Variants in PHRF1 observed in about 807,000 individuals in gnomAD.
The protein encoded by PHRF1 is PHD and RING finger domain-containing protein 1.
A neutral mutation model predicts 128.9 loss-of-function variants in PHRF1; 53 were observed. The observed-to-expected ratio is 0.41, with a 90% CI of 0.33 to 0.52. PHRF1 has a LOEUF of 0.52. Among genes scored for constraint, PHRF1 ranks in the 20% least tolerant of loss-of-function variants. PHRF1 has a pLI of 0.21. For synonymous variants in PHRF1, 1,178 were observed against 980.6 expected (o/e 1.20, Z -3.76); for missense variants, 2,503 against 2,284.5 (o/e 1.10, Z -1.95).
At chr11:589,985 G>A (rs551406348) in intron 4 of PHRF1, among the ~76,000 whole-genome samples, 58 of 148,414 alleles carry the variant, frequency 3.9e-4, no homozygotes, top group African/African-American at 1.3e-3. Flanking sequence ...AAACGGGCAC[G>A]GAGCGTGTGG....
Position 610,987 on chromosome 11 carries a change from G to GT in PHRF1, c.4712dup (p.Glu1572GlyfsTer136). On this transcript the variant is annotated frameshift_variant, in exon 17 of 18. Transcript: ENST00000264555. LOFTEE classifies it high-confidence loss of function. ...GAAGCTGCACATGCAGGAGCGTGCT[G>GT]TGGAGGAGGTGAAGCTGGCCATCAA... 6.2e-7 allele frequency: 1 copy of GT among 1,613,516 alleles called. No individual in the cohort carries two copies. The highest frequency in any genetic ancestry group is 8.5e-7 in the Non-Finnish European group (1 of 1,179,820).
chr11:582,564 C>T (rs984576935), intron 3 of PHRF1, among the ~76,000 whole-genome samples: 5 of 151,338 alleles, frequency 3.3e-5, no homozygotes, highest in Non-Finnish European at 4.4e-5. Context: ...CTCGCTCTGT[C>T]GCCCAGGCTG....
intron 2 of PHRF1, 26 bp from the exon 3 acceptor site, chr11:581,936 G>A (rs867068397): frequency 4.5e-6 from 7 of 1,565,266 alleles, no homozygotes. Context: ...GCCGCCCTGC[G>A]GCCTGTGTCT....
intron 6 of PHRF1, among the ~76,000 whole-genome samples, chr11:594,251 G>A (rs1434206724): frequency 2.0e-5 from 3 of 151,912 alleles, no homozygotes; most frequent in African/African-American, 4.9e-5. Context: ...CGCTGGACAC[G>A]GCCTGAGAGA....
At position 597,344 on chromosome 11, in the gene PHRF1, G is replaced by A; in HGVS notation, c.719-51G>A. 3 of 1,572,340 alleles carry A rather than the reference G, an allele frequency of 1.9e-6. No individual in the cohort carries two copies. The highest frequency in any genetic ancestry group is 2.6e-6 in the Non-Finnish European group (3 of 1,156,684). On this transcript the variant is annotated intron_variant, in intron 7 of 17. Coordinates refer to ENST00000264555, the MANE Select transcript of PHRF1 (RefSeq NM_001286581.2). The surrounding 1 kb of genome is among the most constrained non-coding windows in gnomAD (Gnocchi z 6.5). ...GCAGCCACAGGGGGAGCCGTTGGGG[G>A]AGGCGTGTGGCCTGTGAGTGTGGCA...
At chr11:605,774 C>A in intron 12 of PHRF1, 50 bp downstream of exon 12, 1 of 1,559,984 alleles carries the variant, frequency 6.4e-7, no homozygotes, top group Non-Finnish European at 8.6e-7. Context: ...AGTTGGGCAT[C>A]GGATGGGAGT....
chr11:580,437 G>A (rs995829050), intron 1 of PHRF1, among the ~76,000 whole-genome samples: 1 of 152,132 alleles, frequency 6.6e-6, no homozygotes, highest in Non-Finnish European at 1.5e-5. Context: ...CTTGGGAGCC[G>A]AGGGGTGGGC....
intron 1 of PHRF1, among the ~76,000 whole-genome samples, chr11:579,875 A>G (rs1388033328): frequency 2.0e-5 from 3 of 152,188 alleles, no homozygotes. Context: ...GTCTTGTCAG[A>G]TGGGAAGTGA....
At chr11:606,842 G>T (rs1163333583) in intron 13 of PHRF1, 27 of 890,210 alleles carry the variant, frequency 3.0e-5, no homozygotes, top group Non-Finnish European at 4.3e-5. Flanking sequence ...CCCGCCCCTG[G>T]TTAATATCGT....
chr11:585,847 A>T (rs910466795), intron 3 of PHRF1, among the ~76,000 whole-genome samples: 1 of 145,542 alleles, frequency 6.9e-6, no homozygotes, highest in Non-Finnish European at 1.5e-5. Flanking sequence ...CGTCCAGCTA[A>T]TTTTTTGTAT....
intron 6 of PHRF1, among the ~76,000 whole-genome samples, chr11:595,326 A>C (rs1479357147): frequency 6.6e-6 from 1 of 152,216 alleles, no homozygotes; most frequent in Non-Finnish European, 1.5e-5. Context: ...AAAAAACACT[A>C]TCTGTAGATA....
At chr11:601,464 T>A in intron 9 of PHRF1, 110 bp from the exon 10 acceptor site, 1 of 1,449,582 alleles carries the variant, frequency 6.9e-7, no homozygotes. Flanking sequence ...CCGGTGCGTG[T>A]GGTCCCGCTG....
At chr11:592,796 C>T (rs779063620) in intron 6 of PHRF1, 122 bp downstream of exon 6, 36 of 1,061,274 alleles carry the variant, frequency 3.4e-5, no homozygotes, top group Non-Finnish European at 4.8e-5. Context: ...GCTGTGCTCA[C>T]CACCCTCAGC....
chr11:597,292 G>C lies in PHRF1; in HGVS notation c.719-103G>C. On this transcript the variant is annotated intron_variant, in intron 7 of 17. Coordinates refer to ENST00000264555, the MANE Select transcript of PHRF1 (RefSeq NM_001286581.2). The surrounding 1 kb of genome is among the most constrained non-coding windows in gnomAD (Gnocchi z 6.5). ...AGCCCTGGGTCCTGTGCACAGGTCA[G>C]CCCGAGCCAGGGCTGCTACTTGGCC... The C allele has an allele frequency of 7.0e-7, 1 of 1,429,434 alleles. No individual in the cohort carries two copies. Among genetic ancestry groups the C allele is most frequent in the Non-Finnish European group, 9.5e-7 (1 of 1,057,600 alleles). 88.5% of individuals were successfully genotyped at this position (1,429,434 alleles called of 1,614,324 possible).
In PHRF1 at chr11:608,616, T is replaced by A. The variant is rs766601020; in HGVS notation, c.3160T>A (p.Ser1054Thr). 6.2e-7 allele frequency: 1 copy of A among 1,611,924 alleles called. No individual in the cohort carries two copies. Among genetic ancestry groups the A allele is most frequent in the African/African-American group, 1.3e-5 (1 of 74,842 alleles). The change falls in exon 14 of 18, where the codon TCC (serine) becomes ACC (threonine). Residue 1054 changes from serine (S) to threonine (T), a missense_variant. Coordinates refer to ENST00000264555, the MANE Select transcript of PHRF1 (RefSeq NM_001286581.2). ...RQRSKAKSRR[S>T]SSDRSSSRER... ...GCGGTCCAAGGCCAAGAGCCGGCGG[T>A]CCTCCAGTGACCGCTCCAGCAGCCG...
rs1856174247 is a variant in PHRF1 at position 609,168 on chromosome 11, G to C, written c.3712G>C (p.Ala1238Pro). 1.0e-5 allele frequency: 16 copies of C among 1,606,322 alleles called. No homozygotes were observed. The highest frequency in any genetic ancestry group is 1.3e-5 in the Non-Finnish European group (15 of 1,178,944). The change falls in exon 14 of 18, where the codon GCC becomes CCC. Residue 1238 changes from alanine (A) to proline (P), a missense_variant. Physicochemically the swap from Ala to Pro is conservative, Grantham distance 27. Transcript: ENST00000264555. Reference protein sequence around the residue: ...VSPEVATADKAPLQAPPVLEV... With the variant: ...VSPEVATADKPPLQAPPVLEV... ...GCCGGAGGTGGCTACGGCCGACAAG[G>C]CCCCCCTGCAGGCTCCCCCTGTCCT...
Position 606,837 on chromosome 11 carries a change from C to T in PHRF1, c.1610-229C>T. 5.7e-6 allele frequency: 5 copies of T among 883,076 alleles called. No individual in the cohort carries two copies. In the South Asian group the frequency reaches 7.4e-5, roughly 13 times the overall value. The allele number at this position is 883,076 out of a possible 1,614,324, so 54.7% of individuals were successfully genotyped here. A position where few individuals can be genotyped will look rare whatever the true frequency, so the allele number is the denominator to read the frequency against. ...TGTCCTGATGGGGTACTGCCCCCGC[C>T]CCTGGTTAATATCGTGTCCTGATGG... is the stretch of plus-strand genomic sequence containing the variant. On this transcript the variant is annotated intron_variant, in intron 13 of 17. Coordinates refer to ENST00000264555, the MANE Select transcript of PHRF1 (RefSeq NM_001286581.2).
At chr11:593,655 G>T (rs1484710546) in intron 6 of PHRF1, among the ~76,000 whole-genome samples, 2 of 152,214 alleles carry the variant, frequency 1.3e-5, no homozygotes, top group Non-Finnish European at 2.9e-5. Context: ...CTCCTTGGGG[G>T]TCCTGCAGGC....
chr11:599,253 C>CTTTTTTTTTTTTTTTTTTTTTT (rs754658303), intron 9 of PHRF1, among the ~76,000 whole-genome samples: 8 of 104,976 alleles, frequency 7.6e-5, no homozygotes, highest in East Asian at 2.5e-4. Context: ...TTTTTCTTTT[C>CTTTTTTTTTTTTTTTTTTTTTT]TTTTTTTTTT....
Sources: gnomAD v4.1 joint callset for allele counts (sites outside exome capture counted in the v4.1 genomes callset) on GRCh38, gnomAD v4.1.1 for gene constraint, Gnocchi (gnomAD v3.1) non-coding constraint, MANE v1.5 for transcripts, NCBI Gene and HGNC (gene_info 2026-07-23, HGNC 2026-07-21) for gene names.